The following NBEA variants were observed in gnomAD, a reference collection of about 807,000 sequenced individuals.
The protein encoded by NBEA is lysosomal-trafficking regulator 2.
A neutral mutation model predicts 343.4 loss-of-function variants in NBEA; 44 were observed. The observed-to-expected ratio is 0.13, with a 90% CI of 0.10 to 0.16. The LOEUF (loss-of-function observed/expected upper bound fraction) is 0.16, where lower values mean the gene tolerates loss of function less well. Among genes scored for constraint, NBEA ranks in the 10% least tolerant of loss-of-function variants. The pLI is 1.00. For synonymous variants in NBEA, 1,175 were observed against 1,238.7 expected, an observed-to-expected ratio of 0.95 and a Z score of 1.08; for missense variants, 2,555 against 3,631.3, an observed-to-expected ratio of 0.70 and a Z score of 7.62.
At chr13:35,333,348 A>T (rs1187689573) in intron 36 of NBEA, among the ~76,000 whole-genome samples, 2 of 152,150 alleles carry the variant, frequency 1.3e-5, no homozygotes, top group African/African-American at 2.4e-5. Flanking sequence ...TTTATTGATG[A>T]TTCATCAGAT....
chr13:35,230,876 A>G (rs2152769315), intron 33 of NBEA, among the ~76,000 whole-genome samples: 1 of 152,068 alleles, frequency 6.6e-6, no homozygotes, highest in East Asian at 1.9e-4. Context: ...TGCCGTACAC[A>G]CAGACCTGCT....
chr13:35,670,833 T>C, intron 58 of NBEA, 68 bp from the exon 59 acceptor site: 1 of 1,048,788 alleles, frequency 9.5e-7, no homozygotes, highest in South Asian at 1.4e-5. Context: ...TGAGATACTG[T>C]CTAGTGTAAA....
intron 1 of NBEA, among the ~76,000 whole-genome samples, chr13:34,948,856 C>T (rs565903615): frequency 4.6e-5 from 7 of 152,172 alleles, no homozygotes; most frequent in Admixed American, 4.6e-4. Flanking sequence ...TAACTTCGGT[C>T]CAAGTTAGCA....
rs186351508 is a variant in NBEA, at chr13:35,490,305, A to T, written c.6585+17769A>T. ...TTATTAAGAATTGTTAGTTTTACCT[A>T]TTGATTCCAGTGTTTAATATTTACC... On this transcript the variant is annotated intron_variant, in intron 41 of 58. Transcript: ENST00000379939. Among the ~76,000 whole-genome samples the T allele has an allele frequency of 4.4e-4, 67 of 152,036 alleles. No individual in the cohort carries two copies. In the East Asian group the frequency reaches 0.011, roughly 25 times the overall value.
chr13:35,569,370 A>G (rs150100513), intron 45 of NBEA, among the ~76,000 whole-genome samples: 125 of 152,314 alleles, frequency 8.2e-4, no homozygotes, highest in African/African-American at 2.8e-3. Flanking sequence ...ATTATAAAAT[A>G]TATATACGAT....
chr13:35,260,094 A>G (rs1236786368), intron 34 of NBEA, among the ~76,000 whole-genome samples: 4 of 152,186 alleles, frequency 2.6e-5, no homozygotes, highest in Non-Finnish European at 4.4e-5. Flanking sequence ...TTTTACTTCA[A>G]ACACGTAAGA....
intron 7 of NBEA, among the ~76,000 whole-genome samples, chr13:35,057,885 C>T (rs180936888): frequency 1.4e-4 from 21 of 152,160 alleles, no homozygotes; most frequent in African/African-American, 4.6e-4. Context: ...TATTTAATGA[C>T]GACAATTTTT....
At chr13:35,384,705 T>C (rs1348800921) in intron 38 of NBEA, among the ~76,000 whole-genome samples, 1 of 152,020 alleles carries the variant, frequency 6.6e-6, no homozygotes, top group Non-Finnish European at 1.5e-5. Context: ...TTTCTATTTG[T>C]TGTAGAGACG....
rs773492270 is a variant in NBEA, at chr13:35,041,107, G to A, written c.469G>A (p.Val157Ile). Residue 157 changes from valine to isoleucine, a missense_variant, in exon 2 of 59, where the codon GTT becomes ATT. Val to Ile is a conservative substitution (Grantham distance 29). Transcript: ENST00000379939. ...TCGGAATTTACAGACTAGCACAGAA[G>A]TTGGGCTAATTGAACAAGTATTGCT... ...SVRNLQTSTE[V>I]GLIEQVLLKM... 3 of 1,612,974 alleles carry A rather than the reference G, an allele frequency of 1.9e-6. No individual in the cohort carries two copies. The highest frequency in any genetic ancestry group is 1.3e-5 in the African/African-American group (1 of 75,022).
chr13:35,475,857 C>G, intron 41 of NBEA: 1 of 1,614,096 alleles, frequency 6.2e-7, no homozygotes. Context: ...CGCAGCCGGG[C>G]AGTGAGCCAT....
chr13:34,991,963 G>C (rs1258885127), intron 1 of NBEA, among the ~76,000 whole-genome samples: 1 of 146,606 alleles, frequency 6.8e-6, no homozygotes, highest in African/African-American at 2.5e-5. Flanking sequence ...ATGTACCACT[G>C]TCTTATGGTT....
At chr13:35,049,244 A>G (rs778326692) in intron 5 of NBEA, among the ~76,000 whole-genome samples, 45 of 151,904 alleles carry the variant, frequency 3.0e-4, no homozygotes, top group Non-Finnish European at 5.8e-4. Flanking sequence ...ATACTTAACA[A>G]TAAGTACATC....
intron 41 of NBEA, among the ~76,000 whole-genome samples, chr13:35,501,833 C>G (rs1034728108): frequency 6.6e-6 from 1 of 152,060 alleles, no homozygotes; most frequent in Non-Finnish European, 1.5e-5. Context: ...TCCAATATGA[C>G]GGGGGCGGGG....
intron 34 of NBEA, among the ~76,000 whole-genome samples, chr13:35,282,766 A>AT (rs1371121862): frequency 2.6e-5 from 4 of 152,120 alleles, no homozygotes; most frequent in African/African-American, 4.8e-5. Context: ...ATAGTACTTT[A>AT]TTGTAATCCT....
chr13:35,310,919 A>G (rs1321028774), intron 36 of NBEA, among the ~76,000 whole-genome samples: 2 of 152,166 alleles, frequency 1.3e-5, no homozygotes, highest in Non-Finnish European at 2.9e-5. Flanking sequence ...AATATCACTT[A>G]GTATTCATTT....
intron 39 of NBEA, among the ~76,000 whole-genome samples, chr13:35,443,797 A>G (rs1001718304): frequency 7.9e-5 from 12 of 152,084 alleles, no homozygotes; most frequent in African/African-American, 2.9e-4. Context: ...ATTCAGTATC[A>G]CTAACAGTTT....
intron 13 of NBEA, among the ~76,000 whole-genome samples, chr13:35,116,294 A>G (rs2066487971): frequency 2.0e-5 from 3 of 152,186 alleles, no homozygotes; most frequent in African/African-American, 7.2e-5. Context: ...CTGTCAGGCT[A>G]CTGTCAGTGT....
At chr13:35,298,609 A>C (rs542376751) in intron 35 of NBEA, among the ~76,000 whole-genome samples, 10 of 151,992 alleles carry the variant, frequency 6.6e-5, no homozygotes, top group Non-Finnish European at 1.5e-4. Context: ...AATATCTTGT[A>C]AAACAGTCTA....
Position 35,208,866 on chromosome 13 carries a change from A to T in NBEA, c.5521+12A>T, listed in dbSNP as rs1318265671. On this transcript the variant is annotated intron_variant, in intron 32 of 58. Coordinates refer to ENST00000379939, the MANE Select transcript of NBEA (RefSeq NM_001385012.1). ...GATTAATACAACAGGTATTGTACTT[A>T]CATATTTTTGTGATACTCATCTTTT... 1 of 1,503,918 alleles carries T rather than the reference A, an allele frequency of 6.6e-7. No individual in the cohort carries two copies. The highest frequency in any genetic ancestry group is 2.1e-5 in the Admixed American group (1 of 48,566). 93.2% of individuals were successfully genotyped at this position (1,503,918 alleles called of 1,614,324 possible).
Sources: gnomAD v4.1 joint callset for allele counts (sites outside exome capture counted in the v4.1 genomes callset) on GRCh38, gnomAD v4.1.1 for gene constraint, MANE v1.5 for transcripts, NCBI Gene and HGNC (gene_info 2026-07-23, HGNC 2026-07-21) for gene names.